Variants in RNF212 observed in about 807,000 individuals in gnomAD.
RNF212 encodes probable E3 SUMO-protein ligase RNF212.
A neutral mutation model predicts 34.7 loss-of-function variants in RNF212; 33 were observed. The observed-to-expected ratio is 0.95, with a 90% CI of 0.72 to 1.27. The LOEUF (loss-of-function observed/expected upper bound fraction) is 1.27. Among genes scored for constraint, RNF212 ranks in the 50% most tolerant of loss-of-function variants. The pLI is 0.00. For synonymous variants in RNF212, 140 were observed against 136.1 expected (o/e 1.03, Z -0.20); for missense variants, 377 against 362.2 (o/e 1.04, Z -0.33).
chr4:1,085,736 C>T (rs1721060673), intron 5 of RNF212, 160 bp downstream of exon 5: 1 of 639,782 alleles, frequency 1.6e-6, no homozygotes, highest in Non-Finnish European at 2.8e-6. Context: ...TTCGGTTTTC[C>T]CACAGCATTT....
intron 8 of RNF212, among the ~76,000 whole-genome samples, chr4:1,075,261 T>G (rs1719095523): frequency 6.6e-6 from 1 of 152,154 alleles, no homozygotes; most frequent in Non-Finnish European, 1.5e-5. Context: ...GTTTTCACAT[T>G]TAACTGGTGT....
intron 2 of RNF212, among the ~76,000 whole-genome samples, chr4:1,098,839 C>A (rs632319): frequency 6.6e-6 from 1 of 152,016 alleles, no homozygotes; most frequent in Non-Finnish European, 1.5e-5. Context: ...GCGCAGGGAG[C>A]GGGAACTGTC....
rs1718037291 is a variant in RNF212 at position 1,065,539 on chromosome 4, C to CACTGA, written n.148-7147_148-7146insTCAGT. Among the ~76,000 whole-genome samples, 3 of 67,924 alleles carry CACTGA rather than the reference C, an allele frequency of 4.4e-5. No homozygotes were observed. In the East Asian group the frequency reaches 1.0e-3, roughly 23 times the overall value. The allele number at this position is 67,924 out of a possible 152,430, so 44.6% of individuals were successfully genotyped here. A position where few individuals can be genotyped will look rare whatever the true frequency, so the allele number is the denominator to read the frequency against. Reference sequence around the variant, plus strand: ...CTGGGGTGCAGTGGTATGATCACTGCTCACTGCAGCCTTGACCTCCCAGGT... The same window carrying CACTGA: ...CTGGGGTGCAGTGGTATGATCACTGCACTGATCACTGCAGCCTTGACCTCCCAGGT... On this transcript the variant is annotated intron_variant and non_coding_transcript_variant, in intron 3 of 4. Coordinates refer to the RNF212 transcript ENST00000503206.
intron 3 of RNF212, among the ~76,000 whole-genome samples, chr4:1,061,543 A>G (rs1166055279): frequency 6.6e-6 from 1 of 152,212 alleles, no homozygotes; most frequent in Non-Finnish European, 1.5e-5. Flanking sequence ...GTGATGCCAC[A>G]GGGGACCAGG....
chr4:1,078,878 C>A (rs984853716), intron 8 of RNF212, among the ~76,000 whole-genome samples: 5 of 151,318 alleles, frequency 3.3e-5, no homozygotes, highest in Admixed American at 6.6e-5. Flanking sequence ...AGGGTCAACA[C>A]AGGACCGACA....
intron 3 of RNF212, among the ~76,000 whole-genome samples, chr4:1,060,891 C>T (rs182031869): frequency 0.01 from 1,562 of 152,294 alleles, 27 homozygotes; most frequent in Non-Finnish European, 0.013. Context: ...CAGGACCTGC[C>T]GTTCAACAAC....
intron 3 of RNF212, among the ~76,000 whole-genome samples, chr4:1,063,569 T>C (rs4690346): frequency 0.81 from 122,465 of 151,222 alleles, 50,267 homozygotes; most frequent in African/African-American, 0.94. Context: ...GGTGTGGTGG[T>C]GCGCACCTGT....
chr4:1,070,525 G>C (rs1417580937), downstream of RNF212, among the ~76,000 whole-genome samples: 5 of 87,630 alleles, frequency 5.7e-5, no homozygotes, highest in Non-Finnish European at 1.6e-4. Context: ...GTAGGGCTGT[G>C]CTGTGTCAGC....
intron 3 of RNF212, chr4:1,093,547 C>G (rs201016366): frequency 2.9e-6 from 4 of 1,394,354 alleles, no homozygotes; most frequent in Non-Finnish European, 3.7e-6. Context: ...GTGACCTCCA[C>G]GGCCCATGCC....
intron 2 of RNF212, among the ~76,000 whole-genome samples, chr4:1,098,064 C>G (rs1330318691): frequency 6.6e-6 from 1 of 152,050 alleles, no homozygotes; most frequent in Non-Finnish European, 1.5e-5. Flanking sequence ...GACTCCATCT[C>G]AAAAAACAAA....
intron 1 of RNF212, among the ~76,000 whole-genome samples, chr4:1,112,073 C>A (rs1368091209): frequency 6.6e-6 from 1 of 152,188 alleles, no homozygotes; most frequent in Non-Finnish European, 1.5e-5. Context: ...GGGTGCGTGG[C>A]TGCACATGCC....
chr4:1,105,122 C>G lies in RNF212; in HGVS notation c.171+3221G>C, dbSNP rs1049572535. Among the ~76,000 whole-genome samples, 9 of 152,222 alleles carry G rather than the reference C, an allele frequency of 5.9e-5. 1 individual carries two copies. Among genetic ancestry groups the G allele is most frequent in the Admixed American group, 3.3e-4 (5 of 15,292 alleles). ...AAGACTTATCTCTTACCACTTGGAA[C>G]TCAAAAGCAACTGGCGTGTCCATGA... On this transcript the variant is annotated intron_variant, in intron 2 of 9. Transcript: ENST00000433731.
chr4:1,113,524 A>G lies in RNF212; in HGVS notation c.-60T>C. The G allele has an allele frequency of 1.4e-6, 2 of 1,422,504 alleles. No homozygotes were observed. The highest frequency in any genetic ancestry group is 1.9e-6 in the Non-Finnish European group (2 of 1,029,894). The allele number at this position is 1,422,504 out of a possible 1,614,324, so 88.1% of individuals were successfully genotyped here. A position where few individuals can be genotyped will look rare whatever the true frequency, so the allele number is the denominator to read the frequency against. On this transcript the variant is annotated 5_prime_UTR_variant, in exon 1 of 10. Transcript: ENST00000433731. ...CACGCGAAGCCCACGCAAGGTTGGG[A>G]CCAGCCTCCCCGCGCAGGGCCCGAA... is the stretch of plus-strand genomic sequence containing the variant.
At chr4:1,112,295 G>A (rs1040784067) in intron 1 of RNF212, among the ~76,000 whole-genome samples, 1 of 152,156 alleles carries the variant, frequency 6.6e-6, no homozygotes, top group Non-Finnish European at 1.5e-5. Context: ...TTGTAGGGCT[G>A]CATTCACTAA....
intron 3 of RNF212, among the ~76,000 whole-genome samples, chr4:1,060,498 G>C (rs905777544): frequency 6.6e-6 from 1 of 152,186 alleles, no homozygotes; most frequent in Non-Finnish European, 1.5e-5. Flanking sequence ...AGCTCCTCAG[G>C]GTGCCAAGGG....
At chr4:1,089,642 C>G (rs2153050687) in intron 4 of RNF212, among the ~76,000 whole-genome samples, 1 of 152,244 alleles carries the variant, frequency 6.6e-6, no homozygotes, top group East Asian at 1.9e-4. Context: ...GTGTCCCCAC[C>G]CAAATCTCAT....
intron 4 of RNF212, among the ~76,000 whole-genome samples, chr4:1,087,982 A>G (rs1339675402): frequency 6.6e-6 from 1 of 152,070 alleles, no homozygotes; most frequent in Non-Finnish European, 1.5e-5. Flanking sequence ...GTAGTTCTTT[A>G]TAGGAGTGTG....
chr4:1,070,737 G>A (rs1718420756), downstream of RNF212, among the ~76,000 whole-genome samples: 1 of 152,246 alleles, frequency 6.6e-6, no homozygotes, highest in East Asian at 1.9e-4. Context: ...GTAAGACTGT[G>A]TTCTTGGTTT....
intron 4 of RNF212, among the ~76,000 whole-genome samples, chr4:1,088,791 TC>T (rs972985328): frequency 2.6e-5 from 4 of 152,132 alleles, no homozygotes; most frequent in African/African-American, 9.7e-5. Flanking sequence ...ACTAAAAGGG[TC>T]CAAGGTACAA....
Sources: allele counts gnomAD v4.1 joint callset (sites outside exome capture counted in the v4.1 genomes callset), GRCh38; gene constraint gnomAD v4.1.1; transcripts MANE v1.5; gene names NCBI Gene and HGNC (gene_info 2026-07-23, HGNC 2026-07-21).